Variants in VPS13C observed in about 807,000 individuals in gnomAD.
VPS13C encodes the protein vacuolar protein sorting 13 homolog C.
In VPS13C, 358 loss-of-function variants were observed where a neutral mutation model predicts 456.8. That is an observed-to-expected ratio of 0.78 (90% CI 0.72 to 0.86). The LOEUF (loss-of-function observed/expected upper bound fraction) is 0.86. Among genes scored for constraint, VPS13C ranks in the 40% least tolerant of loss-of-function variants. The pLI, the probability that VPS13C is intolerant of heterozygous loss-of-function variation, is 0.00. For missense variants in VPS13C, 4,818 were observed against 4,385.4 expected (o/e 1.10, Z -2.79); for synonymous variants, 1,578 against 1,486.7 (o/e 1.06, Z -1.41).
chr15:61,963,950 C>T lies in VPS13C; in HGVS notation c.3216G>A (p.Ala1072=). The T allele has an allele frequency of 3.2e-6, 5 of 1,582,490 alleles. No homozygotes were observed. Among genetic ancestry groups the T allele is most frequent in the Non-Finnish European group, 4.3e-6 (5 of 1,154,932 alleles). The change falls in exon 32 of 85, where the codon GCG becomes GCA. Residue 1072 remains alanine (A), a splice_region_variant and synonymous_variant. Transcript: ENST00000644861. ...TGTCACTATCTCTGGAGGATACAAT[C>T]GCTAAAAATAAAACAAAGCATCTGT... ...KQQKNSTLPK[A]IVSSRDSDII... is the part of the protein sequence containing the mutation.
Position 61,922,484 on chromosome 15 carries a change from T to C in VPS13C, c.6888A>G (p.Val2296=), listed in dbSNP as rs1399972151. 8.7e-6 allele frequency: 14 copies of C among 1,613,942 alleles called. No homozygotes were observed. Among genetic ancestry groups the C allele is most frequent in the Non-Finnish European group, 1.2e-5 (14 of 1,179,970 alleles). Residue 2296 remains valine, a synonymous_variant, in exon 54 of 85, where the codon GTA becomes GTG. Coordinates refer to ENST00000644861, the MANE Select transcript of VPS13C (RefSeq NM_020821.3). ...TLECGLGHRT[V]PLLLAESKFS... ...ACTTAGACTCTGCCAATAATAAAGG[T>C]ACAGTTCGATGTCCAAGGCCACATT...
chr15:61,900,389 T>C (rs1010759342), intron 66 of VPS13C, among the ~76,000 whole-genome samples: 1 of 152,210 alleles, frequency 6.6e-6, no homozygotes, highest in Non-Finnish European at 1.5e-5. Flanking sequence ...AAAATCTCCT[T>C]AAGCTGATAA....
intron 45 of VPS13C, among the ~76,000 whole-genome samples, 156 bp from the exon 46 acceptor site, chr15:61,942,223 A>G (rs920234785): frequency 6.6e-5 from 10 of 151,852 alleles, no homozygotes; most frequent in Admixed American, 3.9e-4. Context: ...AGAAACATAC[A>G]CTCTGAGCTA....
At chr15:61,947,156 G>C (rs778389141) in intron 43 of VPS13C, 37 bp downstream of exon 43, 3 of 1,355,204 alleles carry the variant, frequency 2.2e-6, no homozygotes, top group Non-Finnish European at 3.0e-6. Flanking sequence ...GTTATGTAAA[G>C]AAACAGAAAT....
At chr15:61,947,891 T>C (rs558180006) in intron 42 of VPS13C, among the ~76,000 whole-genome samples, 8 of 152,268 alleles carry the variant, frequency 5.3e-5, no homozygotes, top group African/African-American at 1.9e-4. Flanking sequence ...AAATTTATAA[T>C]GTATATGCAC....
chr15:61,852,959 G>A lies in VPS13C; in HGVS notation c.*1498C>T, dbSNP rs74761943. The A allele has an allele frequency of 9.2e-5, 14 of 152,226 alleles. No homozygotes were observed. The East Asian group carries it at 2.5e-3, about 27-fold the overall frequency. 9.4% of individuals were successfully genotyped at this position (152,226 alleles called of 1,614,324 possible). A position where few individuals can be genotyped will look rare whatever the true frequency, so the allele number is the denominator to read the frequency against. On this transcript the variant is annotated 3_prime_UTR_variant, in exon 85 of 85. Transcript: ENST00000644861. Reference sequence around the variant, plus strand: ...TAAACAAAAATAGAGCAAACCAAGCGTGTCCACATCTCCATGAATTCAGTG... The same window carrying A: ...TAAACAAAAATAGAGCAAACCAAGCATGTCCACATCTCCATGAATTCAGTG...
chr15:62,007,651 A>G (rs2046898442), intron 14 of VPS13C, among the ~76,000 whole-genome samples, 172 bp from the exon 15 acceptor site: 1 of 152,228 alleles, frequency 6.6e-6, no homozygotes, highest in South Asian at 2.1e-4. Context: ...AGACTTAGAT[A>G]TAAGAAAACC....
chr15:61,923,085 G>A (rs978052271), intron 53 of VPS13C, among the ~76,000 whole-genome samples: 10 of 151,906 alleles, frequency 6.6e-5, no homozygotes, highest in African/African-American at 1.9e-4. Context: ...ACAGTGTTAT[G>A]TGAATAGACA....
Position 61,867,647 on chromosome 15 carries a change from G to A in VPS13C, c.10863+1012C>T, listed in dbSNP as rs1894687551. The stretch of plus-strand genomic sequence containing the variant: ...AATGATAGTAACAGTATCTGCTTCT[G>A]AGCTCAATAAAGGCTTTCATCTATT... On this transcript the variant is annotated intron_variant, in intron 81 of 84. Coordinates refer to ENST00000644861, the MANE Select transcript of VPS13C (RefSeq NM_020821.3). This position sits in a 1 kb window ranked among gnomAD's most constrained non-coding sequence, Gnocchi z 5.0. The A allele has an allele frequency of 7.5e-6, 9 of 1,197,716 alleles. No individual in the cohort carries two copies. Among genetic ancestry groups the A allele is most frequent in the Non-Finnish European group, 8.3e-6 (8 of 963,816 alleles). The allele number at this position is 1,197,716 out of a possible 1,614,324, so 74.2% of individuals were successfully genotyped here. A position where few individuals can be genotyped will look rare whatever the true frequency, so the allele number is the denominator to read the frequency against.
chr15:61,890,469 T>C, intron 66 of VPS13C, 69 bp from the exon 67 acceptor site: 2 of 1,356,326 alleles, frequency 1.5e-6, no homozygotes, highest in South Asian at 2.7e-5. Context: ...TGAACTATAA[T>C]AACAGAAAGA....
intron 58 of VPS13C, 122 bp from the exon 59 acceptor site, chr15:61,918,379 T>C: frequency 1.1e-6 from 1 of 913,872 alleles, no homozygotes; most frequent in South Asian, 2.3e-5. Flanking sequence ...GAAGATATTT[T>C]TATTGGCAAT....
At chr15:62,011,603 G>A (rs546209460) in intron 12 of VPS13C, among the ~76,000 whole-genome samples, 38 of 151,926 alleles carry the variant, frequency 2.5e-4, no homozygotes, top group Admixed American at 4.6e-4. Flanking sequence ...AAAGAAAACA[G>A]ATGGAAAAAA....
intron 66 of VPS13C, among the ~76,000 whole-genome samples, chr15:61,904,905 C>T (rs1304436800): frequency 6.6e-6 from 1 of 151,668 alleles, no homozygotes; most frequent in Non-Finnish European, 1.5e-5. Context: ...CACATGTTCT[C>T]ACTCATATGT....
At chr15:61,891,741 T>C (rs1455935139) in intron 66 of VPS13C, among the ~76,000 whole-genome samples, 1 of 152,228 alleles carries the variant, frequency 6.6e-6, no homozygotes, top group Non-Finnish European at 1.5e-5. Context: ...AATTTTGCTT[T>C]GAATTGGTCA....
At position 61,981,401 on chromosome 15, in the gene VPS13C, G is replaced by C. The variant is rs765303583; in HGVS notation, c.2107C>G (p.Gln703Glu). ...NLKPSYLVVPQTGFHHEKSDL... is the reference protein window; with the variant it reads ...NLKPSYLVVPETGFHHEKSDL... ...GACTTTTCATGGTGGAAACCCGTCT[G>C]TGGAACTACTAGATAAGAAGGCTTC... The change falls in exon 22 of 85, where the codon CAG becomes GAG. Residue 703 changes from glutamine (Q) to glutamate (E), a missense_variant. Transcript: ENST00000644861. 17 of 1,612,600 alleles carry C rather than the reference G, an allele frequency of 1.1e-5. No individual in the cohort carries two copies. Among genetic ancestry groups the C allele is most frequent in the Middle Eastern group, 1.6e-4 (1 of 6,078 alleles).
intron 25 of VPS13C, 138 bp downstream of exon 25, chr15:61,974,150 T>C: frequency 9.2e-6 from 8 of 869,324 alleles, no homozygotes; most frequent in Non-Finnish European, 1.1e-5. Flanking sequence ...TTAAAACACA[T>C]TATAAATTTG....
chr15:61,941,846 A>G lies in VPS13C; in HGVS notation c.5370T>C (p.Phe1790=). 1 of 1,613,972 alleles carries G rather than the reference A, an allele frequency of 6.2e-7. No individual in the cohort carries two copies. Among genetic ancestry groups the G allele is most frequent in the Non-Finnish European group, 8.5e-7 (1 of 1,179,862 alleles). The stretch of plus-strand genomic sequence containing the variant: ...AATAATGTTCCATAGGAACCAAGCT[A>G]AACTTGTTTTCAACTCTGATTAAAC... ...DLGLIRVENK[F]SLVPMEHYSL... is the part of the protein sequence containing the mutation. Residue 1790 remains phenylalanine (F), a synonymous_variant, in exon 46 of 85, where the codon TTT becomes TTC. Transcript: ENST00000644861.
Position 62,012,138 on chromosome 15 carries a change from T to C in VPS13C, c.852A>G (p.Thr284=), listed in dbSNP as rs748089429. 2 of 1,548,286 alleles carry C rather than the reference T, an allele frequency of 1.3e-6. No individual in the cohort carries two copies. Among genetic ancestry groups the C allele is most frequent in the Non-Finnish European group, 1.8e-6 (2 of 1,124,584 alleles). ...GATAATTTGGGGGTATATTTCCACT[T>C]GTAAGAATTTCATTTTTCAGCTGAT... ...ILDQLKNEIL[T]SGNIPPNYQY... Residue 284 remains threonine, a synonymous_variant, in exon 12 of 85, where the codon ACA becomes ACG. Coordinates refer to ENST00000644861, the MANE Select transcript of VPS13C (RefSeq NM_020821.3).
chr15:62,019,229 C>CA (rs748673871), intron 9 of VPS13C, among the ~76,000 whole-genome samples: 52 of 152,098 alleles, frequency 3.4e-4, no homozygotes, highest in Non-Finnish European at 5.1e-4. Context: ...TTGATCTTTT[C>CA]AAAAAACCAG....
Sources: gnomAD v4.1 joint callset for allele counts (sites outside exome capture counted in the v4.1 genomes callset) on GRCh38, gnomAD v4.1.1 for gene constraint, Gnocchi (gnomAD v3.1) non-coding constraint, MANE v1.5 for transcripts, NCBI Gene and HGNC (gene_info 2026-07-23, HGNC 2026-07-21) for gene names.